The following UBR3 variants were observed in gnomAD, a reference collection of about 807,000 sequenced individuals.
UBR3 encodes the protein E3 ubiquitin-protein ligase UBR3.
In UBR3, 85 loss-of-function variants were observed where a neutral mutation model predicts 243.2. The observed-to-expected ratio is 0.35, with a 90% CI of 0.29 to 0.42. The LOEUF (loss-of-function observed/expected upper bound fraction) is 0.42. Ranked by LOEUF, UBR3 falls within the 10% of genes least tolerant of loss-of-function variation. The probability of loss-of-function intolerance (pLI) is 1.00; values close to 1 mark genes in which losing one functional copy is unlikely to be tolerated. For synonymous variants in UBR3, 748 were observed against 799.8 expected (o/e 0.94, Z 1.09); for missense variants, 1,686 against 2,300.8 (o/e 0.73, Z 5.47).
intron 35 of UBR3, among the ~76,000 whole-genome samples, chr2:170,062,547 TTAGA>T (rs1280416916): frequency 1.3e-5 from 2 of 152,226 alleles, no homozygotes; most frequent in Non-Finnish European, 2.9e-5. Context: ...TAATCATTCA[TTAGA>T]TATTTTCTTT....
At chr2:169,874,444 CA>C (rs1353397594) in intron 2 of UBR3, among the ~76,000 whole-genome samples, 2 of 152,136 alleles carry the variant, frequency 1.3e-5, no homozygotes, top group African/African-American at 4.8e-5. Context: ...GCTGGGACTA[CA>C]GGTGTGAGCC....
chr2:170,080,029 C>CA lies in UBR3; in HGVS notation c.5409+8dup. ...GTTACTGTGAATGTGTACTGGTAAG[C>CA]AATAGTAGATAATACAAAATTTATG... On this transcript the variant is annotated splice_region_variant and intron_variant, in intron 37 of 38. Transcript: ENST00000272793. The CA allele has an allele frequency of 6.2e-7, 1 of 1,608,044 alleles. No individual in the cohort carries two copies. The highest frequency in any genetic ancestry group is 8.5e-7 in the Non-Finnish European group (1 of 1,177,954).
intron 23 of UBR3, among the ~76,000 whole-genome samples, chr2:169,950,457 CTT>C (rs1480150494): frequency 6.6e-6 from 1 of 151,798 alleles, no homozygotes; most frequent in Admixed American, 6.6e-5. Context: ...TTCTTTTGGT[CTT>C]TTCTAATCTT....
intron 25 of UBR3, among the ~76,000 whole-genome samples, chr2:169,989,973 C>T (rs944215647): frequency 5.3e-5 from 8 of 152,090 alleles, no homozygotes; most frequent in African/African-American, 1.9e-4. Context: ...ATAAATTTAT[C>T]TTACACATTT....
intron 31 of UBR3, among the ~76,000 whole-genome samples, chr2:170,034,591 T>C (rs1388838080): frequency 2.0e-5 from 3 of 152,036 alleles, no homozygotes; most frequent in Non-Finnish European, 4.4e-5. Context: ...GGACATTTGG[T>C]TGCTTCGAAG....
At chr2:170,046,006 G>A (rs2091078442) in intron 32 of UBR3, among the ~76,000 whole-genome samples, 1 of 139,194 alleles carries the variant, frequency 7.2e-6, no homozygotes, top group African/African-American at 2.8e-5. Flanking sequence ...TTTCTCTCTC[G>A]CCTAGGCTGG....
At chr2:169,973,173 C>A (rs375814156) in intron 24 of UBR3, among the ~76,000 whole-genome samples, 162 of 113,666 alleles carry the variant, frequency 1.4e-3, no homozygotes, top group African/African-American at 4.8e-3. Flanking sequence ...CAATTGCTTC[C>A]AAGAGAATAA....
At position 170,006,299 on chromosome 2, in the gene UBR3, A is replaced by G. The variant is rs540235956; in HGVS notation, c.4030-691A>G. Among the ~76,000 whole-genome samples, 3 of 152,304 alleles carry G rather than the reference A, an allele frequency of 2.0e-5. No individual in the cohort carries two copies. In the East Asian group the frequency reaches 5.8e-4, roughly 29 times the overall value. On this transcript the variant is annotated intron_variant, in intron 27 of 38. Coordinates refer to ENST00000272793, the MANE Select transcript of UBR3 (RefSeq NM_172070.4). ...ATGTATCTTAACTCTTTATGCTATCACCTTGCACAGCATTTATCACATAGT... is the reference window on the plus strand; with the variant it reads ...ATGTATCTTAACTCTTTATGCTATCGCCTTGCACAGCATTTATCACATAGT...
chr2:169,905,265 A>C lies in UBR3; in HGVS notation c.1617A>C (p.Thr539=). The C allele has an allele frequency of 1.9e-6, 3 of 1,539,668 alleles. No homozygotes were observed. The highest frequency in any genetic ancestry group is 2.6e-6 in the Non-Finnish European group (3 of 1,142,820). ...RFLEDHGLLV[T]WMNFVSFFQG... is the part of the protein sequence containing the mutation. Reference sequence around the variant, plus strand: ...TGGAGGATCACGGTTTGTTAGTTACATGGATGAACTTTGTATCTTTCTTTC... The same window carrying C: ...TGGAGGATCACGGTTTGTTAGTTACCTGGATGAACTTTGTATCTTTCTTTC... The change falls in exon 9 of 39, where the codon ACA becomes ACC. Residue 539 remains threonine (T), a synonymous_variant. Coordinates refer to ENST00000272793, the MANE Select transcript of UBR3 (RefSeq NM_172070.4).
chr2:169,995,402 G>A (rs2089442136), intron 26 of UBR3, among the ~76,000 whole-genome samples: 1 of 152,086 alleles, frequency 6.6e-6, no homozygotes, highest in Non-Finnish European at 1.5e-5. Flanking sequence ...ATTTATTTCA[G>A]TGTTTCGTAT....
At chr2:170,012,671 TG>T (rs759460385) in intron 29 of UBR3, among the ~76,000 whole-genome samples, 1 of 50,472 alleles carries the variant, frequency 2.0e-5, no homozygotes, top group Non-Finnish European at 3.6e-5. Context: ...ATGAAGATAC[TG>T]GTTTTTTTTT....
At chr2:169,836,067 A>ATATATATTT (rs1558999159) in intron 1 of UBR3, among the ~76,000 whole-genome samples, 1 of 32,670 alleles carries the variant, frequency 3.1e-5, no homozygotes, top group Non-Finnish European at 5.1e-5. Flanking sequence ...ATATATATAT[A>ATATATATTT]TTTTTTTTTT....
At chr2:169,953,211 G>A (rs868569626) in intron 23 of UBR3, among the ~76,000 whole-genome samples, 14 of 152,078 alleles carry the variant, frequency 9.2e-5, no homozygotes, top group Non-Finnish European at 2.1e-4. Flanking sequence ...AACAATGATG[G>A]TATTGACAAG....
chr2:169,828,179 A>C, intron 1 of UBR3, 127 bp downstream of exon 1: 1 of 532,974 alleles, frequency 1.9e-6, no homozygotes, highest in Non-Finnish European at 2.4e-6. Context: ...GTGCAGCCAC[A>C]GGGGGATGGA....
In UBR3 at chr2:169,954,588, G is replaced by A. The variant is rs374368807; in HGVS notation, c.3546-3850G>A. ...TACTTACCTTTTTTTTTTTTTTTTC[G>A]TTTTTGAGACAGAGTCTCTTTCTGT... On this transcript the variant is annotated intron_variant, in intron 23 of 38. Coordinates refer to ENST00000272793, the MANE Select transcript of UBR3 (RefSeq NM_172070.4). Among the ~76,000 whole-genome samples the A allele has an allele frequency of 5.5e-4, 44 of 80,370 alleles. 1 individual carries two copies. In the Middle Eastern group the frequency reaches 0.021, roughly 39 times the overall value. 52.7% of individuals were successfully genotyped at this position (80,370 alleles called of 152,430 possible). A position where few individuals can be genotyped will look rare whatever the true frequency, so the allele number is the denominator to read the frequency against.
At chr2:169,936,517 T>A (rs2086337044) in intron 19 of UBR3, among the ~76,000 whole-genome samples, 1 of 151,148 alleles carries the variant, frequency 6.6e-6, no homozygotes, top group East Asian at 1.9e-4. Flanking sequence ...GCGTTTTCTT[T>A]TTATTATTAT....
chr2:169,856,408 G>A (rs1403511171), intron 1 of UBR3, among the ~76,000 whole-genome samples: 20 of 152,068 alleles, frequency 1.3e-4, no homozygotes, highest in African/African-American at 3.4e-4. Flanking sequence ...GCGCAGAGAC[G>A]CTCCTCACTT....
At chr2:169,980,919 A>T (rs1365506425) in intron 24 of UBR3, among the ~76,000 whole-genome samples, 1 of 151,774 alleles carries the variant, frequency 6.6e-6, no homozygotes, top group Admixed American at 6.6e-5. Flanking sequence ...GCCAGAAAGT[A>T]GAGGGGTACT....
chr2:170,033,231 A>C (rs2090727691), intron 31 of UBR3, among the ~76,000 whole-genome samples: 1 of 152,092 alleles, frequency 6.6e-6, no homozygotes, highest in Non-Finnish European at 1.5e-5. Flanking sequence ...GTTCTTTTCA[A>C]GCCCTAATAA....
Sources: allele counts gnomAD v4.1 joint callset (sites outside exome capture counted in the v4.1 genomes callset), GRCh38; gene constraint gnomAD v4.1.1; transcripts MANE v1.5; gene names NCBI Gene and HGNC (gene_info 2026-07-23, HGNC 2026-07-21).